Variants in ARK2C observed in about 807,000 individuals in gnomAD.
ARK2C encodes the protein arkadia (RNF111) C-terminal like ring finger ubiquitin ligase 2C.
chr18:46,433,797 A>AGGTCTGCACCTG, the ARK2C span, among the ~76,000 whole-genome samples: 8 of 152,236 alleles, frequency 5.3e-5, no homozygotes, highest in Non-Finnish European at 1.0e-4. Context: ...TGCATCACCC[A>AGGTCTGCACCTG]GGTGCAGGGT....
the ARK2C span, among the ~76,000 whole-genome samples, chr18:46,389,383 A>T: frequency 6.6e-6 from 1 of 152,248 alleles, no homozygotes; most frequent in Admixed American, 6.5e-5. Flanking sequence ...ATAAAGTCCC[A>T]CTGGACAGAC....
the ARK2C span, among the ~76,000 whole-genome samples, chr18:46,441,117 C>T: frequency 6.6e-6 from 1 of 152,216 alleles, no homozygotes; most frequent in Non-Finnish European, 1.5e-5. Context: ...TCCCAAGTAG[C>T]TGGGACTACA....
At chr18:46,368,619 C>G in the ARK2C span, among the ~76,000 whole-genome samples, 6 of 152,032 alleles carry the variant, frequency 3.9e-5, no homozygotes, top group African/African-American at 1.4e-4. Context: ...TCTATGGAGT[C>G]GAGTCTTAAT....
At chr18:46,395,377 G>A in the ARK2C span, among the ~76,000 whole-genome samples, 3 of 152,148 alleles carry the variant, frequency 2.0e-5, no homozygotes, top group African/African-American at 4.8e-5. Flanking sequence ...GGGCTGTTCC[G>A]TGCTTTGTTG....
At chr18:46,413,698 C>G in the ARK2C span, among the ~76,000 whole-genome samples, 1 of 152,094 alleles carries the variant, frequency 6.6e-6, no homozygotes, top group Non-Finnish European at 1.5e-5. Context: ...TTTTTCCATT[C>G]TGCTCTACTC....
chr18:46,454,110 CAAA>C, the ARK2C span, among the ~76,000 whole-genome samples: 2 of 16,628 alleles, frequency 1.2e-4, no homozygotes, highest in African/African-American at 3.2e-4. Context: ...AAGGCCGTCT[CAAA>C]AAAAAAAAAA....
the ARK2C span, among the ~76,000 whole-genome samples, chr18:46,363,273 T>C: frequency 6.6e-6 from 1 of 152,212 alleles, no homozygotes; most frequent in Non-Finnish European, 1.5e-5. Context: ...GCAGCACTCT[T>C]AATTCTTCTA....
chr18:46,446,686 A>C, the ARK2C span, among the ~76,000 whole-genome samples: 2 of 151,324 alleles, frequency 1.3e-5, no homozygotes, highest in South Asian at 4.2e-4. Flanking sequence ...AAAAAAAAAA[A>C]AAAAAAAAGG....
At chr18:46,359,215 G>A in the ARK2C span, among the ~76,000 whole-genome samples, 2 of 152,246 alleles carry the variant, frequency 1.3e-5, no homozygotes, top group Non-Finnish European at 2.9e-5. Flanking sequence ...CCAGGCCCAG[G>A]GGTTCAGGGT....
the ARK2C span, among the ~76,000 whole-genome samples, chr18:46,442,709 A>AT: frequency 2.1e-4 from 32 of 151,998 alleles, no homozygotes; most frequent in Admixed American, 1.1e-3. Context: ...ATTCTTACTG[A>AT]TTTTTTTTCA....
chr18:46,334,705 TGTGTGTGTGTGAGA>T, the ARK2C span: 70 of 284,658 alleles, frequency 2.5e-4, no homozygotes, highest in African/African-American at 7.3e-4. The surrounding 1 kb of genome is among the most constrained non-coding windows in gnomAD (Gnocchi z 4.4). Context: ...TGTGTGTGTG[TGTGTGTGTGTGAGA>T]GAGAGAGAGA....
At chr18:46,461,120 G>C in the ARK2C span, 2 of 152,268 alleles carry the variant, frequency 1.3e-5, no homozygotes, top group African/African-American at 4.8e-5. Flanking sequence ...TGACTTCTTA[G>C]AAGGAGCCCT....
the ARK2C span, chr18:46,461,795 A>T: frequency 6.6e-6 from 1 of 152,246 alleles, no homozygotes; most frequent in South Asian, 2.1e-4. Flanking sequence ...GTCCTATAAT[A>T]TGTGGCATCC....
chr18:46,441,644 T>C, the ARK2C span, among the ~76,000 whole-genome samples: 1 of 151,940 alleles, frequency 6.6e-6, no homozygotes, highest in East Asian at 1.9e-4. Flanking sequence ...ATCCCAGCAC[T>C]TTGGGAGGCT....
chr18:46,379,657 C>T, the ARK2C span, among the ~76,000 whole-genome samples: 2 of 152,356 alleles, frequency 1.3e-5, no homozygotes, highest in African/African-American at 4.8e-5. Flanking sequence ...GCCCTCCCCA[C>T]CAACTGCGAA....
the ARK2C span, chr18:46,435,420 GAGGAAGGGAGGA>G: frequency 6.7e-7 from 1 of 1,497,210 alleles, no homozygotes; most frequent in African/African-American, 1.4e-5. Flanking sequence ...GCCCCTGGGG[GAGGAAGGGAGGA>G]AGGGAGGGAG....
chr18:46,428,028 C>G, the ARK2C span, among the ~76,000 whole-genome samples: 1 of 152,198 alleles, frequency 6.6e-6, no homozygotes. Flanking sequence ...CCAGAGAAAG[C>G]TGAAGGCTCC....
chr18:46,433,354 G>C, the ARK2C span: 1 of 1,612,908 alleles, frequency 6.2e-7, no homozygotes, highest in Non-Finnish European at 8.5e-7. Flanking sequence ...CCAGCACAGC[G>C]GCGCCCTGCA....
At chr18:46,405,042 C>T in the ARK2C span, among the ~76,000 whole-genome samples, 1 of 152,064 alleles carries the variant, frequency 6.6e-6, no homozygotes, top group African/African-American at 2.4e-5. Context: ...ATGGCAAGAC[C>T]CCACCAATTT....
Sources: allele counts gnomAD v4.1 joint callset (sites outside exome capture counted in the v4.1 genomes callset), GRCh38; gene constraint gnomAD v4.1.1; non-coding constraint Gnocchi (gnomAD v3.1); transcripts MANE v1.5; gene names NCBI Gene and HGNC (gene_info 2026-07-23, HGNC 2026-07-21).